CFDP1: variants seen among roughly 807,000 people sequenced by gnomAD.
CFDP1 encodes heterochromatin-stabilizing protein CFDP1.
Under a neutral mutation model 40.1 loss-of-function variants are expected in CFDP1, and 31 were observed. That is an observed-to-expected ratio of 0.77 (90% CI 0.58 to 1.04). The LOEUF (loss-of-function observed/expected upper bound fraction) is 1.04, where lower values mean the gene tolerates loss of function less well. Among genes scored for constraint, CFDP1 ranks in the 50% least tolerant of loss-of-function variants. CFDP1 has a pLI of 0.00. For synonymous variants in CFDP1, 167 were observed against 120.0 expected, an observed-to-expected ratio of 1.39 and a Z score of -2.56; for missense variants, 423 against 343.4, an observed-to-expected ratio of 1.23 and a Z score of -1.83.
intron 3 of CFDP1, among the ~76,000 whole-genome samples, chr16:75,412,249 C>T (rs912247897): frequency 1.3e-5 from 2 of 152,168 alleles, no homozygotes; most frequent in Non-Finnish European, 2.9e-5. Flanking sequence ...GAACTCCTGA[C>T]CTCAAATGAT....
At chr16:75,352,540 TATCATA>T (rs1276353204) in intron 5 of CFDP1, among the ~76,000 whole-genome samples, 4 of 152,190 alleles carry the variant, frequency 2.6e-5, no homozygotes, top group South Asian at 4.1e-4. Context: ...GTAATAAGTG[TATCATA>T]ATCATAAGTG....
intron 4 of CFDP1, among the ~76,000 whole-genome samples, chr16:75,404,766 A>G (rs570042003): frequency 1.3e-5 from 2 of 152,294 alleles, no homozygotes; most frequent in African/African-American, 4.8e-5. Flanking sequence ...AACAGTTCTA[A>G]GTACAAGGAG....
chr16:75,320,402 G>C (rs1297758159), intron 5 of CFDP1, among the ~76,000 whole-genome samples: 12 of 151,712 alleles, frequency 7.9e-5, no homozygotes, highest in Non-Finnish European at 1.6e-4. Context: ...CTGAAACAAA[G>C]TTGGCTGCTC....
chr16:75,419,771 G>C (rs2079255773), intron 1 of CFDP1, among the ~76,000 whole-genome samples: 1 of 152,064 alleles, frequency 6.6e-6, no homozygotes, highest in Non-Finnish European at 1.5e-5. Context: ...GCAACATCAG[G>C]AAGTTACTCT....
At position 75,343,075 on chromosome 16, in the gene CFDP1, G is replaced by T. The variant is rs149798727; in HGVS notation, c.651-37893C>A. ...CTGGAAGAAAACAACTAGATTTAAGGTCAGGACTATTAGTGAACAAACCCC... is the reference window on the plus strand; with the variant it reads ...CTGGAAGAAAACAACTAGATTTAAGTTCAGGACTATTAGTGAACAAACCCC... On this transcript the variant is annotated intron_variant, in intron 5 of 6. Transcript: ENST00000283882. 6.0e-4 allele frequency among the ~76,000 whole-genome samples: 92 copies of T among 152,168 alleles called. 1 individual carries two copies. Among genetic ancestry groups the T allele is most frequent in the African/African-American group, 2.1e-3 (89 of 41,504 alleles).
At chr16:75,305,703 C>T (rs373393507) in intron 5 of CFDP1, among the ~76,000 whole-genome samples, 1 of 152,194 alleles carries the variant, frequency 6.6e-6, no homozygotes, top group East Asian at 1.9e-4. Flanking sequence ...TCACTGTCAT[C>T]GTTTAAGCTT....
intron 5 of CFDP1, among the ~76,000 whole-genome samples, chr16:75,307,395 T>G (rs546668013): frequency 8.7e-4 from 132 of 152,156 alleles, no homozygotes; most frequent in Non-Finnish European, 1.4e-3. Context: ...TTTTGTATTT[T>G]TAGTAGAGAC....
chr16:75,433,299 G>A lies in CFDP1; in HGVS notation c.54C>T (p.Tyr18=), dbSNP rs1017096199. 37 of 1,600,318 alleles carry A rather than the reference G, an allele frequency of 2.3e-5. No individual in the cohort carries two copies. Among genetic ancestry groups the A allele is most frequent in the Non-Finnish European group, 2.9e-5 (34 of 1,174,768 alleles). ...GGCGGAATCGCTCACCCGACGGCAC[G>A]TAGTCCTCGTCCTCCTCCGACGTAG... ...DFSTSEEDED[Y]VPSGGEYSED... Residue 18 remains tyrosine, a synonymous_variant, in exon 1 of 7, where the codon TAC becomes TAT. Coordinates refer to ENST00000283882, the MANE Select transcript of CFDP1 (RefSeq NM_006324.3).
chr16:75,388,440 T>C (rs1407130563), intron 5 of CFDP1, among the ~76,000 whole-genome samples: 1 of 152,140 alleles, frequency 6.6e-6, no homozygotes, highest in Admixed American at 6.5e-5. Flanking sequence ...CATGTTACCC[T>C]AGAGTGGGAA....
At chr16:75,404,293 T>C (rs1030998317) in intron 4 of CFDP1, among the ~76,000 whole-genome samples, 2 of 149,062 alleles carry the variant, frequency 1.3e-5, no homozygotes, top group African/African-American at 2.5e-5. Context: ...TGGAGTGCAG[T>C]GGCACGATCT....
intron 5 of CFDP1, among the ~76,000 whole-genome samples, chr16:75,353,174 T>C (rs1275573786): frequency 6.6e-6 from 1 of 152,216 alleles, no homozygotes; most frequent in East Asian, 1.9e-4. Flanking sequence ...CCAACTGCCA[T>C]GTATAGACCT....
chr16:75,411,829 C>G lies in CFDP1; in HGVS notation c.526G>C (p.Val176Leu). 6.2e-7 allele frequency: 1 copy of G among 1,609,210 alleles called. No homozygotes were observed. Among genetic ancestry groups the G allele is most frequent in the Non-Finnish European group, 8.5e-7 (1 of 1,179,030 alleles). The change falls in exon 4 of 7, where the codon GTA (valine) becomes CTA (leucine). Residue 176 changes from valine to leucine, a missense_variant. Transcript: ENST00000283882. ...AGTTTTTGAAGGTTCTCTTACCTTACTTCTTCACCAGCAAAATCAAACACC... is the reference window on the plus strand; with the variant it reads ...AGTTTTTGAAGGTTCTCTTACCTTAGTTCTTCACCAGCAAAATCAAACACC... ...TKVFDFAGEEVRVTKEVDATS... is the reference protein window; with the variant it reads ...TKVFDFAGEELRVTKEVDATS...
intron 4 of CFDP1, among the ~76,000 whole-genome samples, chr16:75,404,385 C>A (rs1447771648): frequency 6.6e-6 from 1 of 151,678 alleles, no homozygotes; most frequent in East Asian, 2.0e-4. Context: ...CTGCACCCAG[C>A]TAATTTTTTG....
intron 5 of CFDP1, among the ~76,000 whole-genome samples, chr16:75,374,939 A>G (rs1353583637): frequency 1.3e-5 from 2 of 152,168 alleles, no homozygotes; most frequent in Admixed American, 1.3e-4. Flanking sequence ...TGACTACTCT[A>G]CTGAACAGTG....
intron 5 of CFDP1, among the ~76,000 whole-genome samples, chr16:75,324,183 A>G (rs2078386923): frequency 6.6e-6 from 1 of 152,130 alleles, no homozygotes; most frequent in Non-Finnish European, 1.5e-5. Flanking sequence ...CAGGAAGTGC[A>G]GTAGAGCATA....
chr16:75,345,828 C>T (rs2078559310), intron 5 of CFDP1, among the ~76,000 whole-genome samples: 1 of 152,180 alleles, frequency 6.6e-6, no homozygotes, highest in Admixed American at 6.5e-5. Context: ...ATGCTGAAAA[C>T]TTTGAAAAAT....
intron 3 of CFDP1, among the ~76,000 whole-genome samples, chr16:75,412,177 C>A (rs577816676): frequency 3.3e-5 from 5 of 152,156 alleles, no homozygotes; most frequent in Non-Finnish European, 7.3e-5. Flanking sequence ...CGCCACCACA[C>A]CCAGCTAATT....
chr16:75,390,568 C>G, intron 5 of CFDP1, among the ~76,000 whole-genome samples: 1 of 152,200 alleles, frequency 6.6e-6, no homozygotes, highest in East Asian at 1.9e-4. Flanking sequence ...CTCTCTCTCC[C>G]CAGAGATAGT....
In CFDP1 at chr16:75,414,852, G is replaced by A. The variant is rs117808411; in HGVS notation, c.65-157C>T. Among the ~76,000 whole-genome samples, 11 of 151,742 alleles carry A rather than the reference G, an allele frequency of 7.2e-5. No homozygotes were observed. In the East Asian group the frequency reaches 2.1e-3, roughly 30 times the overall value. On this transcript the variant is annotated intron_variant, in intron 1 of 6. Coordinates refer to ENST00000283882, the MANE Select transcript of CFDP1 (RefSeq NM_006324.3). ...CTAACGAAAACATCATTTCCTTGGG[G>A]AAGTCTTCTCTGCCCCTGAAGACTA...
Sources: allele counts gnomAD v4.1 joint callset (sites outside exome capture counted in the v4.1 genomes callset), GRCh38; gene constraint gnomAD v4.1.1; transcripts MANE v1.5; gene names NCBI Gene and HGNC (gene_info 2026-07-23, HGNC 2026-07-21).